MDN1: variants seen among roughly 807,000 people sequenced by gnomAD.
MDN1 encodes the protein midasin AAA ATPase 1, also known as midasin.
A neutral mutation model predicts 669.2 loss-of-function variants in MDN1; 266 were observed. The ratio of observed to expected loss-of-function variants is 0.40; its 90% CI spans 0.36 to 0.44. The LOEUF (loss-of-function observed/expected upper bound fraction) is 0.44. MDN1 is among the 20% of genes least tolerant of loss of function. MDN1 has a pLI of 1.00. For missense variants in MDN1, 5,940 were observed against 6,754.0 expected (o/e 0.88, Z 4.22); for synonymous variants, 2,385 against 2,457.1 (o/e 0.97, Z 0.87).
At chr6:89,712,301 T>C (rs1813995413) in intron 48 of MDN1, 45 bp from the exon 49 acceptor site, 5 of 1,482,320 alleles carry the variant, frequency 3.4e-6, no homozygotes, top group Non-Finnish European at 4.6e-6. Flanking sequence ...GAATAACCTT[T>C]TATTTCACAT....
chr6:89,796,302 C>T (rs574540672), intron 2 of MDN1, among the ~76,000 whole-genome samples: 19 of 93,388 alleles, frequency 2.0e-4, no homozygotes, highest in East Asian at 1.8e-3. Context: ...CCAGCCTGGG[C>T]GACAAGAGCA....
intron 95 of MDN1, 39 bp from the exon 96 acceptor site, chr6:89,650,886 C>T: frequency 6.5e-7 from 1 of 1,549,594 alleles, no homozygotes; most frequent in Non-Finnish European, 8.9e-7. Flanking sequence ...CTCAGAATGT[C>T]AGAGCCAACC....
In MDN1 at chr6:89,672,190, A is replaced by T. The variant is rs147968696; in HGVS notation, c.13794+10T>A. 1.3e-6 allele frequency: 2 copies of T among 1,567,008 alleles called. No individual in the cohort carries two copies. The highest frequency in any genetic ancestry group is 8.6e-7 in the Non-Finnish European group (1 of 1,163,516). On this transcript the variant is annotated intron_variant, in intron 82 of 101. Transcript: ENST00000369393. Reference sequence around the variant, plus strand: ...GAAGAGGAAGAAGTTTGTAAAGAACAGTTAGTTACCAGGTGCTTTGCTGCT... The same window carrying T: ...GAAGAGGAAGAAGTTTGTAAAGAACTGTTAGTTACCAGGTGCTTTGCTGCT...
rs1452463145 is a variant in MDN1, at chr6:89,789,978, T to TGA, written c.1099-68_1099-67insTC. ...GTAGTGGCAATGCTACATCCTTTGA[T>TGA]TAACTGTTAATCTTCTATAGGTAGG... On this transcript the variant is annotated intron_variant, in intron 6 of 101. Coordinates refer to ENST00000369393, the MANE Select transcript of MDN1 (RefSeq NM_014611.3). 6.3e-6 allele frequency: 10 copies of TGA among 1,591,692 alleles called. No individual in the cohort carries two copies. The African/African-American group carries it at 1.4e-4, about 22-fold the overall frequency.
Position 89,696,370 on chromosome 6 carries a change from C to A in MDN1, c.9373G>T (p.Ala3125Ser). ...LWTNMAISSV[A>S]EFRRTDSQLQ... ...AGGGCGAGGGAATACCTGAATTCTG[C>A]TACTGAAGAGATAGCCATGTTAGTC... The change falls in exon 60 of 102, where the codon GCA becomes TCA. Residue 3125 changes from alanine (A) to serine (S), a missense_variant. Transcript: ENST00000369393. The A allele has an allele frequency of 6.2e-7, 1 of 1,614,100 alleles. No individual in the cohort carries two copies. The highest frequency in any genetic ancestry group is 8.5e-7 in the Non-Finnish European group (1 of 1,179,996).
chr6:89,809,633 G>A (rs13210361), intron 1 of MDN1, among the ~76,000 whole-genome samples: 24,020 of 151,610 alleles, frequency 0.16, 2,279 homozygotes, highest in Non-Finnish European at 0.22. Flanking sequence ...AAAATTAGCC[G>A]GGCATTATGG....
intron 33 of MDN1, among the ~76,000 whole-genome samples, chr6:89,734,056 G>A (rs571018347): frequency 2.8e-4 from 42 of 151,708 alleles, no homozygotes; most frequent in African/African-American, 8.7e-4. Flanking sequence ...AGGCTGAGGC[G>A]GGCAGATCAC....
chr6:89,659,271 G>A (rs529233625), intron 88 of MDN1, among the ~76,000 whole-genome samples: 1 of 152,308 alleles, frequency 6.6e-6, no homozygotes, highest in South Asian at 2.1e-4. Context: ...TACTCAGCAG[G>A]CCGAGGCAGG....
At chr6:89,785,626 C>T (rs1162633204) in intron 8 of MDN1, among the ~76,000 whole-genome samples, 1 of 152,172 alleles carries the variant, frequency 6.6e-6, no homozygotes, top group Non-Finnish European at 1.5e-5. Context: ...ACTTAGTCCT[C>T]ACAACTGTCC....
At chr6:89,682,212 TGTG>T (rs1562081806) in intron 73 of MDN1, among the ~76,000 whole-genome samples, 4 of 152,238 alleles carry the variant, frequency 2.6e-5, no homozygotes, top group African/African-American at 9.6e-5. Context: ...AGCTTCCTCA[TGTG>T]GTAGCCCACA....
Position 89,749,726 on chromosome 6 carries a change from T to C in MDN1, c.3432A>G (p.Lys1144=). Residue 1144 remains lysine, a synonymous_variant, in exon 25 of 102, where the codon AAA becomes AAG. Transcript: ENST00000369393. ...ATTCATCTAAAATAATCCAATAGCCTTTTCTCATGGCATCAATAAGAACAC... is the reference window on the plus strand; with the variant it reads ...ATTCATCTAAAATAATCCAATAGCCCTTTCTCATGGCATCAATAAGAACAC... ...KEGVLIDAMR[K]GYWIILDELN... is the part of the protein sequence containing the mutation. 1.2e-6 allele frequency: 2 copies of C among 1,612,914 alleles called. No homozygotes were observed. Among genetic ancestry groups the C allele is most frequent in the Non-Finnish European group, 1.7e-6 (2 of 1,178,906 alleles).
chr6:89,697,535 C>A (rs1252179165), intron 59 of MDN1, among the ~76,000 whole-genome samples: 4 of 151,322 alleles, frequency 2.6e-5, no homozygotes, highest in African/African-American at 9.7e-5. Context: ...GCTTAATATC[C>A]ATAATACATA....
intron 2 of MDN1, among the ~76,000 whole-genome samples, chr6:89,800,934 C>G (rs1767615224): frequency 6.6e-6 from 1 of 152,210 alleles, no homozygotes; most frequent in South Asian, 2.1e-4. Flanking sequence ...AGTCACACAT[C>G]TGGTGTTAGA....
rs181640572 is a variant in MDN1, at chr6:89,724,020, G to A, written c.5671-401C>T. Among the ~76,000 whole-genome samples, 187 of 152,188 alleles carry A rather than the reference G, an allele frequency of 1.2e-3. 2 individuals carry two copies. The highest frequency in any genetic ancestry group is 4.4e-3 in the African/African-American group (183 of 41,546). Reference sequence around the variant, plus strand: ...TAGCTGGGCATAGTGGCATGCGCCTGTAGTCTCAGCTACTCAGGAGGCTGA... The same window carrying A: ...TAGCTGGGCATAGTGGCATGCGCCTATAGTCTCAGCTACTCAGGAGGCTGA... On this transcript the variant is annotated intron_variant, in intron 38 of 101. Transcript: ENST00000369393.
At position 89,708,597 on chromosome 6, in the gene MDN1, C is replaced by G; in HGVS notation, c.7797G>C (p.Trp2599Cys). 1 of 1,614,058 alleles carries G rather than the reference C, an allele frequency of 6.2e-7. No homozygotes were observed. ...DEFVIPLDPR[W>C]NMQALDMIRN... ...TAATCATGTCCAGAGCCTGCATATTCCATCGGGGATCCAGAGGGATCACAA... is the reference window on the plus strand; with the variant it reads ...TAATCATGTCCAGAGCCTGCATATTGCATCGGGGATCCAGAGGGATCACAA... The change falls in exon 51 of 102, where the codon TGG becomes TGC. Residue 2599 changes from tryptophan to cysteine, a missense_variant. This residue lies in a region of MDN1 where 2,292 missense variants were observed against 2,638.3 expected (regional missense o/e 0.87). Transcript: ENST00000369393.
chr6:89,759,600 C>T (rs1817429979), intron 17 of MDN1, among the ~76,000 whole-genome samples: 1 of 152,014 alleles, frequency 6.6e-6, no homozygotes, highest in African/African-American at 2.4e-5. Flanking sequence ...CCCATCTCTA[C>T]TAAAAATACA....
At chr6:89,749,080 A>G (rs1437384667) in intron 26 of MDN1, 143 bp downstream of exon 26, 1 of 782,628 alleles carries the variant, frequency 1.3e-6, no homozygotes, top group East Asian at 3.0e-5. Context: ...AATAAATAAT[A>G]AAAAAATTAA....
intron 85 of MDN1, 40 bp downstream of exon 85, chr6:89,664,447 G>A: frequency 1.9e-6 from 3 of 1,604,672 alleles, no homozygotes; most frequent in Non-Finnish European, 2.6e-6. Context: ...AAATATTTAT[G>A]CTTTCAAAAA....
At chr6:89,758,228 G>C in intron 19 of MDN1, 27 bp downstream of exon 19, 1 of 1,565,306 alleles carries the variant, frequency 6.4e-7, no homozygotes, top group Non-Finnish European at 8.7e-7. Context: ...TGCAAAAAAG[G>C]AAAGTCTCCA....
Sources: gnomAD v4.1 joint callset for allele counts (sites outside exome capture counted in the v4.1 genomes callset) on GRCh38, gnomAD v4.1.1 for gene constraint, gnomAD v4.1.1 regional missense constraint, MANE v1.5 for transcripts, NCBI Gene and HGNC (gene_info 2026-07-23, HGNC 2026-07-21) for gene names.